Variants in CLYBL observed in about 807,000 individuals in gnomAD.
CLYBL encodes citramalyl-CoA lyase.
A neutral mutation model predicts 38.9 loss-of-function variants in CLYBL; 31 were observed. The ratio of observed to expected loss-of-function variants is 0.80; its 90% CI spans 0.60 to 1.08. The LOEUF is 1.08. Among genes scored for constraint, CLYBL ranks in the 50% least tolerant of loss-of-function variants. The probability of loss-of-function intolerance (pLI) is 0.00; values close to 1 mark genes in which losing one functional copy is unlikely to be tolerated. For missense variants in CLYBL, 434 were observed against 411.6 expected, an observed-to-expected ratio of 1.05 and a Z score of -0.47; for synonymous variants, 171 against 158.6, an observed-to-expected ratio of 1.08 and a Z score of -0.59.
chr13:99,832,161 C>G (rs952201237), intron 2 of CLYBL, among the ~76,000 whole-genome samples: 1 of 152,114 alleles, frequency 6.6e-6, no homozygotes, highest in Non-Finnish European at 1.5e-5. Flanking sequence ...TTCTTATTTG[C>G]TTTTCACAAT....
At chr13:99,652,743 C>T (rs932596156) in intron 1 of CLYBL, among the ~76,000 whole-genome samples, 3 of 152,230 alleles carry the variant, frequency 2.0e-5, no homozygotes, top group Non-Finnish European at 2.9e-5. Context: ...CCTCCATACT[C>T]AGGGAGAAGC....
rs74625126 is a variant in CLYBL, at chr13:99,881,410, A to C, written c.928-9908A>C. On this transcript the variant is annotated intron_variant, in intron 7 of 8. Coordinates refer to ENST00000339105, the MANE Select transcript of CLYBL (RefSeq NM_206808.5). Reference sequence around the variant, plus strand: ...TCTAAGTCTCCAGTCATATTCTTTTACTATCTTCCTGACAGTTGTTTATTT... The same window carrying C: ...TCTAAGTCTCCAGTCATATTCTTTTCCTATCTTCCTGACAGTTGTTTATTT... 5.1e-3 allele frequency among the ~76,000 whole-genome samples: 779 copies of C among 152,240 alleles called. 8 individuals are homozygous for C. The highest frequency in any genetic ancestry group is 0.018 in the African/African-American group (731 of 41,546).
intron 1 of CLYBL, among the ~76,000 whole-genome samples, chr13:99,755,758 C>T (rs1594162291): frequency 6.6e-6 from 1 of 152,178 alleles, no homozygotes; most frequent in East Asian, 1.9e-4. Context: ...CACACCCCCT[C>T]AGTTTGGACA....
chr13:99,693,619 A>G (rs1397869390), intron 1 of CLYBL, among the ~76,000 whole-genome samples: 1 of 151,658 alleles, frequency 6.6e-6, no homozygotes, highest in Non-Finnish European at 1.5e-5. Context: ...TACCACTGAA[A>G]CCCAAGCAGA....
chr13:99,892,320 G>C (rs989375299), intron 8 of CLYBL, 123 bp from the exon 9 acceptor site: 5 of 152,338 alleles, frequency 3.3e-5, no homozygotes, highest in Non-Finnish European at 7.3e-5. Flanking sequence ...CAGGTCAGAT[G>C]GGTGGTGTGG....
intron 1 of CLYBL, among the ~76,000 whole-genome samples, chr13:99,765,901 G>C (rs969008215): frequency 6.8e-6 from 1 of 147,374 alleles, no homozygotes; most frequent in African/African-American, 2.5e-5. Flanking sequence ...CCCTGGGCTA[G>C]AGTGCAGTGG....
At chr13:99,885,711 G>T (rs1289267389) in intron 7 of CLYBL, among the ~76,000 whole-genome samples, 2 of 152,128 alleles carry the variant, frequency 1.3e-5, no homozygotes, top group Non-Finnish European at 2.9e-5. Context: ...CAACAAAACT[G>T]AGAGGGAACC....
At chr13:99,880,852 G>C (rs1427177334) in intron 7 of CLYBL, among the ~76,000 whole-genome samples, 2 of 152,212 alleles carry the variant, frequency 1.3e-5, no homozygotes, top group Non-Finnish European at 2.9e-5. Context: ...GGATAAAGAG[G>C]AGCTTCTTCA....
chr13:99,733,657 A>G (rs1274709906), intron 1 of CLYBL, among the ~76,000 whole-genome samples: 1 of 152,214 alleles, frequency 6.6e-6, no homozygotes, highest in Non-Finnish European at 1.5e-5. Flanking sequence ...GAAACAGCCC[A>G]TGCTCCTCTG....
intron 1 of CLYBL, among the ~76,000 whole-genome samples, chr13:99,683,138 G>A (rs2047762435): frequency 6.6e-6 from 1 of 152,032 alleles, no homozygotes; most frequent in South Asian, 2.1e-4. Context: ...CTGGAGTGCA[G>A]TGGCACAATC....
chr13:99,709,186 T>TA (rs758241156), intron 1 of CLYBL, among the ~76,000 whole-genome samples: 22 of 152,276 alleles, frequency 1.4e-4, no homozygotes, highest in Admixed American at 3.3e-4. Context: ...GGCACAGAGA[T>TA]AGACATGCAT....
At chr13:99,773,128 T>A in intron 2 of CLYBL, 118 bp downstream of exon 2, 1 of 832,038 alleles carries the variant, frequency 1.2e-6, no homozygotes, top group Non-Finnish European at 1.9e-6. Context: ...TGCTGATTAT[T>A]AACAATTCTT....
intron 2 of CLYBL, among the ~76,000 whole-genome samples, chr13:99,794,788 C>T (rs553175835): frequency 8.8e-4 from 134 of 152,056 alleles, no homozygotes; most frequent in Non-Finnish European, 1.6e-3. Context: ...GGCAGGATTT[C>T]ACCATGTTGG....
intron 1 of CLYBL, among the ~76,000 whole-genome samples, chr13:99,748,610 T>C (rs2048900011): frequency 6.6e-6 from 1 of 151,120 alleles, no homozygotes; most frequent in African/African-American, 2.4e-5. Context: ...CAGCTAACTT[T>C]TTGTATTTTT....
intron 1 of CLYBL, among the ~76,000 whole-genome samples, chr13:99,679,270 G>A (rs936352687): frequency 2.1e-5 from 3 of 144,148 alleles, no homozygotes; most frequent in Admixed American, 7.1e-5. Context: ...CTCCAGCCTG[G>A]GCGACAGAGC....
chr13:99,694,773 T>C (rs1353186353), intron 1 of CLYBL, among the ~76,000 whole-genome samples: 3 of 152,244 alleles, frequency 2.0e-5, no homozygotes, highest in African/African-American at 7.2e-5. Context: ...GCATGTGCCC[T>C]GGACATCGGT....
At chr13:99,862,489 T>C (rs1331745220) in intron 3 of CLYBL, among the ~76,000 whole-genome samples, 1 of 146,302 alleles carries the variant, frequency 6.8e-6, no homozygotes, top group Non-Finnish European at 1.5e-5. Context: ...AGCTAAAAAA[T>C]TATGAAGAAA....
At chr13:99,681,655 C>CG (rs1395009560) in intron 1 of CLYBL, among the ~76,000 whole-genome samples, 2 of 151,280 alleles carry the variant, frequency 1.3e-5, no homozygotes, top group African/African-American at 2.5e-5. Context: ...GGCACGGTCT[C>CG]GGCTCATTGC....
At chr13:99,775,142 C>T (rs555509271) in intron 2 of CLYBL, among the ~76,000 whole-genome samples, 1 of 152,254 alleles carries the variant, frequency 6.6e-6, no homozygotes, top group Non-Finnish European at 1.5e-5. Flanking sequence ...GCACAGTGAG[C>T]CATTAGGTGC....
Sources: gnomAD v4.1 joint callset for allele counts (sites outside exome capture counted in the v4.1 genomes callset) on GRCh38, gnomAD v4.1.1 for gene constraint, MANE v1.5 for transcripts, NCBI Gene and HGNC (gene_info 2026-07-23, HGNC 2026-07-21) for gene names.